Variants in OSBPL6 observed in about 807,000 individuals in gnomAD.
The protein encoded by OSBPL6 is oxysterol binding protein like 6, also known as oxysterol-binding protein-related protein 6.
OSBPL6 carries 49 observed loss-of-function variants against 125.8 expected under a neutral mutation model. The observed-to-expected ratio is 0.39, with a 90% CI of 0.31 to 0.49. OSBPL6 has a LOEUF of 0.49. OSBPL6 is among the 20% of genes least tolerant of loss of function. OSBPL6 has a pLI of 0.88. For synonymous variants in OSBPL6, 394 were observed against 391.8 expected, an observed-to-expected ratio of 1.01 and a Z score of -0.07; for missense variants, 986 against 1,135.4, an observed-to-expected ratio of 0.87 and a Z score of 1.89.
chr2:178,380,456 C>CAAAAA (rs60399092), intron 15 of OSBPL6, among the ~76,000 whole-genome samples: 7 of 25,986 alleles, frequency 2.7e-4, no homozygotes, highest in African/African-American at 7.6e-4. Context: ...GAGTCTGTCT[C>CAAAAA]AAAAAAAAAA....
At chr2:178,358,708 T>A (rs912649559) in intron 12 of OSBPL6, among the ~76,000 whole-genome samples, 2 of 152,058 alleles carry the variant, frequency 1.3e-5, no homozygotes, top group African/African-American at 4.8e-5. Context: ...TTCTTAGATA[T>A]AACACCAAAA....
chr2:178,361,939 T>TC, intron 13 of OSBPL6, 124 bp downstream of exon 13: 1 of 1,208,540 alleles, frequency 8.3e-7, no homozygotes, highest in Non-Finnish European at 1.1e-6. Flanking sequence ...TTGCAGAATT[T>TC]CCCCCAAAAG....
At chr2:178,373,853 GA>G (rs1180663800) in intron 14 of OSBPL6, 36 bp from the exon 15 acceptor site, 3 of 1,609,722 alleles carry the variant, frequency 1.9e-6, no homozygotes, top group Non-Finnish European at 2.5e-6. Context: ...CTAACAGGGA[GA>G]AAAGCAATTA....
chr2:178,269,229 G>GC, intron 1 of OSBPL6, among the ~76,000 whole-genome samples: 1 of 152,232 alleles, frequency 6.6e-6, no homozygotes, highest in Middle Eastern at 3.4e-3. Flanking sequence ...GAGCTTCTGT[G>GC]CCCCCCTTGG....
intron 11 of OSBPL6, among the ~76,000 whole-genome samples, chr2:178,345,897 T>G (rs764430291): frequency 6.6e-6 from 1 of 152,196 alleles, no homozygotes; most frequent in Non-Finnish European, 1.5e-5. Context: ...TAGAATGGGT[T>G]TATATTTTTA....
chr2:178,399,712 G>GCTC lies in OSBPL6; in HGVS notation c.*4156_*4158dup, dbSNP rs1696047668. On this transcript the variant is annotated 3_prime_UTR_variant, in exon 25 of 25. Transcript: ENST00000190611. ...GATTTAGTTCATTTTCTCCAGCCTT[G>GCTC]CTCCTAACATAGTGAAAGGCATAGA... 1 of 152,116 alleles carries GCTC rather than the reference G, an allele frequency of 6.6e-6. No individual in the cohort carries two copies. Among genetic ancestry groups the GCTC allele is most frequent in the African/African-American group, 2.4e-5 (1 of 41,426 alleles). The allele number at this position is 152,116 out of a possible 1,614,324, so 9.4% of individuals were successfully genotyped here. A position where few individuals can be genotyped will look rare whatever the true frequency, so the allele number is the denominator to read the frequency against.
intron 2 of OSBPL6, among the ~76,000 whole-genome samples, chr2:178,300,911 G>A (rs1686217403): frequency 6.6e-6 from 1 of 152,120 alleles, no homozygotes; most frequent in Admixed American, 6.6e-5. Flanking sequence ...AAGTCAGTAT[G>A]CTGCAAAAGC....
intron 11 of OSBPL6, among the ~76,000 whole-genome samples, chr2:178,347,608 G>A (rs965510141): frequency 6.6e-6 from 1 of 152,124 alleles, no homozygotes; most frequent in Non-Finnish European, 1.5e-5. Flanking sequence ...TATCCTAAAA[G>A]GTCCTCAGTC....
intron 1 of OSBPL6, among the ~76,000 whole-genome samples, chr2:178,273,544 C>T (rs961887884): frequency 1.3e-5 from 2 of 151,866 alleles, no homozygotes; most frequent in Non-Finnish European, 1.5e-5. Flanking sequence ...TGGGCCACTG[C>T]ACTCCAGCCT....
At chr2:178,214,493 C>G (rs2090001720) in intron 1 of OSBPL6, among the ~76,000 whole-genome samples, 1 of 152,184 alleles carries the variant, frequency 6.6e-6, no homozygotes, top group South Asian at 2.1e-4. Flanking sequence ...GACGAACAGA[C>G]TGGAATTCTC....
intron 12 of OSBPL6, among the ~76,000 whole-genome samples, chr2:178,352,308 G>A (rs1383286081): frequency 6.6e-6 from 1 of 152,216 alleles, no homozygotes; most frequent in Non-Finnish European, 1.5e-5. Context: ...GAAGCATGAG[G>A]GGTCAGGGGA....
chr2:178,299,031 T>A (rs1342177071), intron 2 of OSBPL6, among the ~76,000 whole-genome samples: 1 of 150,236 alleles, frequency 6.7e-6, no homozygotes, highest in Non-Finnish European at 1.5e-5. Flanking sequence ...GTCTTAGCAC[T>A]GTGCTGACAA....
At chr2:178,378,405 T>G (rs1694086943) in intron 15 of OSBPL6, among the ~76,000 whole-genome samples, 1 of 152,232 alleles carries the variant, frequency 6.6e-6, no homozygotes, top group Non-Finnish European at 1.5e-5. Flanking sequence ...CTGTCTTACA[T>G]TAACATTTTC....
chr2:178,333,124 T>C (rs1046282536), intron 8 of OSBPL6, 83 bp downstream of exon 8: 1 of 1,476,412 alleles, frequency 6.8e-7, no homozygotes, highest in East Asian at 2.3e-5. Flanking sequence ...GGCTCACGTG[T>C]GTAATCCCAG....
intron 1 of OSBPL6, among the ~76,000 whole-genome samples, chr2:178,232,975 G>A (rs752690686): frequency 6.6e-6 from 1 of 152,156 alleles, no homozygotes; most frequent in Non-Finnish European, 1.5e-5. Context: ...ATTTGTAATT[G>A]CAACCGACAC....
intron 11 of OSBPL6, 134 bp downstream of exon 11, chr2:178,339,898 A>G (rs1194372883): frequency 1.2e-5 from 6 of 492,862 alleles, no homozygotes; most frequent in East Asian, 3.4e-5. Context: ...AAACTGTTAC[A>G]TTATCTAAAA....
At position 178,382,344 on chromosome 2, in the gene OSBPL6, T is replaced by C. The variant is rs1694556852; in HGVS notation, c.1534-76T>C. 2.0e-5 allele frequency: 30 copies of C among 1,494,104 alleles called. No individual in the cohort carries two copies. The East Asian group carries it at 6.8e-4, about 34-fold the overall frequency. 92.6% of individuals were successfully genotyped at this position (1,494,104 alleles called of 1,614,324 possible). A position where few individuals can be genotyped will look rare whatever the true frequency, so the allele number is the denominator to read the frequency against. ...TTCTCACTGGAACAATATTTTGTTATTTTTAATCATTTGATTATCTGAGCT... is the reference window on the plus strand; with the variant it reads ...TTCTCACTGGAACAATATTTTGTTACTTTTAATCATTTGATTATCTGAGCT... On this transcript the variant is annotated intron_variant, in intron 15 of 24. Coordinates refer to ENST00000190611, the MANE Select transcript of OSBPL6 (RefSeq NM_032523.4).
At chr2:178,279,024 T>A (rs1398593673) in intron 1 of OSBPL6, among the ~76,000 whole-genome samples, 2 of 152,214 alleles carry the variant, frequency 1.3e-5, no homozygotes, top group Non-Finnish European at 2.9e-5. Flanking sequence ...GAGAAAATGA[T>A]CAAAAGTGTC....
chr2:178,206,806 G>T (rs1483772077), intron 1 of OSBPL6, among the ~76,000 whole-genome samples: 1 of 152,026 alleles, frequency 6.6e-6, no homozygotes, highest in African/African-American at 2.4e-5. Flanking sequence ...GTAGAGATGG[G>T]GTTTCACCAT....
Sources: allele counts gnomAD v4.1 joint callset (sites outside exome capture counted in the v4.1 genomes callset), GRCh38; gene constraint gnomAD v4.1.1; transcripts MANE v1.5; gene names NCBI Gene and HGNC (gene_info 2026-07-23, HGNC 2026-07-21).